Variants in CNTNAP2 observed in about 807,000 individuals in gnomAD.
The protein encoded by CNTNAP2 is contactin-associated protein-like 2.
Under a neutral mutation model 155.2 loss-of-function variants are expected in CNTNAP2, and 98 were observed. The observed-to-expected ratio is 0.63, with a 90% CI of 0.54 to 0.75. The LOEUF (loss-of-function observed/expected upper bound fraction) is 0.75. CNTNAP2 is among the 30% of genes least tolerant of loss of function. The probability of loss-of-function intolerance (pLI) is 0.00; values close to 1 mark genes in which losing one functional copy is unlikely to be tolerated. For synonymous variants in CNTNAP2, 651 were observed against 631.2 expected (o/e 1.03, Z -0.47); for missense variants, 1,727 against 1,688.1 (o/e 1.02, Z -0.40).
intron 1 of CNTNAP2, among the ~76,000 whole-genome samples, chr7:146,373,952 C>G (rs1310052546): frequency 6.6e-6 from 1 of 152,040 alleles, no homozygotes; most frequent in African/African-American, 2.4e-5. Context: ...TTAAAACTTT[C>G]AATCATGTAG....
chr7:146,412,550 G>A (rs1356558007), intron 1 of CNTNAP2, among the ~76,000 whole-genome samples: 1 of 152,168 alleles, frequency 6.6e-6, no homozygotes, highest in East Asian at 1.9e-4. Context: ...CTCAGGCCAT[G>A]TATTCATTCT....
chr7:147,768,594 T>C (rs117869376), intron 13 of CNTNAP2, among the ~76,000 whole-genome samples: 1,672 of 152,228 alleles, frequency 0.011, 99 homozygotes, highest in Admixed American at 0.087. Flanking sequence ...TAAAATAGCA[T>C]TTCTTTAAAG....
At chr7:147,783,788 A>C (rs1018439561) in intron 13 of CNTNAP2, among the ~76,000 whole-genome samples, 12 of 152,146 alleles carry the variant, frequency 7.9e-5, no homozygotes, top group African/African-American at 2.9e-4. Context: ...TGCCATGAAA[A>C]GACACAGCAA....
intron 13 of CNTNAP2, among the ~76,000 whole-genome samples, chr7:147,821,359 G>C (rs1218119056): frequency 1.3e-5 from 2 of 152,010 alleles, no homozygotes; most frequent in Non-Finnish European, 2.9e-5. Flanking sequence ...TGTTTTACTT[G>C]ACAAATATTT....
chr7:146,801,395 T>C (rs554576052), intron 2 of CNTNAP2, among the ~76,000 whole-genome samples: 12 of 152,248 alleles, frequency 7.9e-5, no homozygotes, highest in South Asian at 2.1e-4. Context: ...ATCCAAACCA[T>C]ATCATTGACC....
chr7:146,922,791 T>C (rs1160009743), intron 3 of CNTNAP2, among the ~76,000 whole-genome samples: 2 of 152,170 alleles, frequency 1.3e-5, no homozygotes, highest in African/African-American at 4.8e-5. Flanking sequence ...ATTTAACACA[T>C]TGCCTGGAAC....
At chr7:147,553,326 T>C (rs1799887541) in intron 11 of CNTNAP2, among the ~76,000 whole-genome samples, 1 of 152,146 alleles carries the variant, frequency 6.6e-6, no homozygotes, top group Non-Finnish European at 1.5e-5. Flanking sequence ...TTAAATGATC[T>C]CAGGACAAGC....
intron 3 of CNTNAP2, among the ~76,000 whole-genome samples, chr7:146,987,860 T>A (rs1049622703): frequency 6.6e-6 from 1 of 152,110 alleles, no homozygotes; most frequent in African/African-American, 2.4e-5. Flanking sequence ...AAGGTGGTTA[T>A]AACTATTTTA....
intron 9 of CNTNAP2, among the ~76,000 whole-genome samples, chr7:147,316,094 G>A (rs532361711): frequency 2.0e-5 from 3 of 152,036 alleles, no homozygotes; most frequent in African/African-American, 7.2e-5. Context: ...TTGCACATAT[G>A]TTTTTCTTTC....
At chr7:147,218,474 C>A (rs965029776) in intron 8 of CNTNAP2, among the ~76,000 whole-genome samples, 1 of 151,622 alleles carries the variant, frequency 6.6e-6, no homozygotes, top group African/African-American at 2.4e-5. Context: ...TTTTAAATTT[C>A]TCTTGAAATT....
Position 147,324,450 on chromosome 7 carries a change from A to G in CNTNAP2, c.1498+24160A>G, listed in dbSNP as rs577844913. Among the ~76,000 whole-genome samples, 7 of 152,336 alleles carry G rather than the reference A, an allele frequency of 4.6e-5. No individual in the cohort carries two copies. The East Asian group carries it at 1.3e-3, about 29-fold the overall frequency. ...TTGCATCATGCCACATCAGATATGTAATCCATTCAGCCTTATGTTTTCATC... is the reference window on the plus strand; with the variant it reads ...TTGCATCATGCCACATCAGATATGTGATCCATTCAGCCTTATGTTTTCATC... On this transcript the variant is annotated intron_variant, in intron 9 of 23. Coordinates refer to ENST00000361727, the MANE Select transcript of CNTNAP2 (RefSeq NM_014141.6).
chr7:147,710,476 G>A (rs915860214), intron 13 of CNTNAP2, among the ~76,000 whole-genome samples: 1 of 151,996 alleles, frequency 6.6e-6, no homozygotes, highest in Non-Finnish European at 1.5e-5. Flanking sequence ...TCTGCTTAAA[G>A]ACAACTTCTA....
chr7:147,789,866 G>A (rs896180089), intron 13 of CNTNAP2, among the ~76,000 whole-genome samples: 1 of 152,014 alleles, frequency 6.6e-6, no homozygotes, highest in Non-Finnish European at 1.5e-5. Context: ...CCAGGCTCTC[G>A]GGCCTTTAGC....
intron 1 of CNTNAP2, among the ~76,000 whole-genome samples, chr7:146,482,463 G>T (rs984221446): frequency 6.6e-5 from 10 of 151,498 alleles, no homozygotes; most frequent in Admixed American, 5.3e-4. Context: ...ACTCACATTA[G>T]GTTGGTCACA....
chr7:146,476,930 A>C (rs1001767579), intron 1 of CNTNAP2, among the ~76,000 whole-genome samples: 1 of 152,178 alleles, frequency 6.6e-6, no homozygotes. Flanking sequence ...AATTTTAAAC[A>C]AAGGTAGAGA....
At chr7:147,370,522 G>A (rs992265057) in intron 9 of CNTNAP2, among the ~76,000 whole-genome samples, 3 of 152,046 alleles carry the variant, frequency 2.0e-5, no homozygotes, top group African/African-American at 7.2e-5. Flanking sequence ...AACCATGATG[G>A]GAGTATCTAC....
chr7:146,490,476 T>G (rs1445816255), intron 1 of CNTNAP2, among the ~76,000 whole-genome samples: 1 of 152,200 alleles, frequency 6.6e-6, no homozygotes, highest in Non-Finnish European at 1.5e-5. Flanking sequence ...AAACATGTTT[T>G]CCCGCGACAT....
chr7:147,892,654 C>A (rs543484737), intron 13 of CNTNAP2, among the ~76,000 whole-genome samples: 3 of 152,186 alleles, frequency 2.0e-5, no homozygotes, highest in Non-Finnish European at 4.4e-5. Flanking sequence ...TTTGATTCTA[C>A]TGCATCAAAT....
chr7:147,471,488 A>C (rs11982446), intron 10 of CNTNAP2, among the ~76,000 whole-genome samples: 97,056 of 152,032 alleles, frequency 0.64, 31,450 homozygotes, highest in African/African-American at 0.74. Context: ...TAAGTGGGGC[A>C]GTGGTATTGA....
Sources: gnomAD v4.1 joint callset for allele counts (sites outside exome capture counted in the v4.1 genomes callset) on GRCh38, gnomAD v4.1.1 for gene constraint, MANE v1.5 for transcripts, NCBI Gene and HGNC (gene_info 2026-07-23, HGNC 2026-07-21) for gene names.